The following GLIS3 variants were observed in gnomAD, a reference collection of about 807,000 sequenced individuals.
GLIS3 encodes the protein GLIS family zinc finger 3.
GLIS3 carries 53 observed loss-of-function variants against 78.6 expected under a neutral mutation model. That is an observed-to-expected ratio of 0.67 (90% confidence interval 0.54 to 0.85). The LOEUF (loss-of-function observed/expected upper bound fraction) is 0.85. Ranked by LOEUF, GLIS3 falls within the 40% of genes least tolerant of loss-of-function variation. GLIS3 has a pLI of 0.00. For synonymous variants in GLIS3, 684 were observed against 509.9 expected, an observed-to-expected ratio of 1.34 and a Z score of -4.60; for missense variants, 1,703 against 1,231.1, an observed-to-expected ratio of 1.38 and a Z score of -5.74.
At chr9:4,028,369 C>T (rs1297134607) in intron 4 of GLIS3, among the ~76,000 whole-genome samples, 1 of 152,144 alleles carries the variant, frequency 6.6e-6, no homozygotes, top group East Asian at 1.9e-4. Context: ...TATCTTGTTT[C>T]CTTCTCTCCT....
intron 9 of GLIS3, among the ~76,000 whole-genome samples, chr9:3,848,181 T>C (rs920163314): frequency 6.6e-6 from 1 of 152,218 alleles, no homozygotes; most frequent in Admixed American, 6.5e-5. Context: ...GTGGGAGTGT[T>C]TACTGTCTTT....
At chr9:3,968,565 G>C (rs1818136625) in intron 4 of GLIS3, among the ~76,000 whole-genome samples, 1 of 152,012 alleles carries the variant, frequency 6.6e-6, no homozygotes, top group Non-Finnish European at 1.5e-5. Context: ...ATATAAGAAA[G>C]CTAAGGTATT....
intron 2 of GLIS3, among the ~76,000 whole-genome samples, chr9:4,159,047 A>AAAAAAAAAAAAAAAAAAC (rs1835270805): frequency 6.6e-6 from 1 of 151,500 alleles, no homozygotes; most frequent in African/African-American, 2.4e-5. Flanking sequence ...AAAAAAAAAA[A>AAAAAAAAAAAAAAAAAAC]AAGCCAGGCT....
chr9:4,233,127 T>G (rs1421845726), intron 2 of GLIS3, among the ~76,000 whole-genome samples: 1 of 152,214 alleles, frequency 6.6e-6, no homozygotes, highest in Non-Finnish European at 1.5e-5. Flanking sequence ...CTTTGACATC[T>G]TTTCCAAAGA....
intron 4 of GLIS3, among the ~76,000 whole-genome samples, chr9:4,004,397 C>G (rs1821374796): frequency 6.6e-6 from 1 of 152,076 alleles, no homozygotes; most frequent in Admixed American, 6.6e-5. Flanking sequence ...ACCTAAATCC[C>G]TCTACAAATA....
intron 2 of GLIS3, among the ~76,000 whole-genome samples, chr9:4,163,280 G>C (rs77791855): frequency 0.025 from 3,816 of 152,110 alleles, 53 homozygotes; most frequent in Non-Finnish European, 0.03. Flanking sequence ...GCGCACGCGC[G>C]CACACATACC....
At chr9:4,393,247 T>C in the GLIS3 span, among the ~76,000 whole-genome samples, 1 of 152,232 alleles carries the variant, frequency 6.6e-6, no homozygotes, top group Non-Finnish European at 1.5e-5. Context: ...TCTATTTCTG[T>C]TACTATTTCT....
Position 3,872,880 on chromosome 9 carries a change from G to A in GLIS3, c.2297+6547C>T, listed in dbSNP as rs76844645. Among the ~76,000 whole-genome samples, 780 of 151,894 alleles carry A rather than the reference G, an allele frequency of 5.1e-3. 9 individuals are homozygous for A. Among genetic ancestry groups the A allele is most frequent in the African/African-American group, 0.018 (757 of 41,452 alleles). On this transcript the variant is annotated intron_variant, in intron 8 of 10. Coordinates refer to ENST00000381971, the MANE Select transcript of GLIS3 (RefSeq NM_001042413.2). ...CATACCTCAAAGAACTAGAAAAGGA[G>A]GAACAAACCAAACCCCAGATTTGCA...
rs1831973287 is a variant in GLIS3 at position 4,118,934 on chromosome 9, A to G, written c.597-53T>C. On this transcript the variant is annotated intron_variant, in intron 3 of 10. Coordinates refer to ENST00000381971, the MANE Select transcript of GLIS3 (RefSeq NM_001042413.2). The surrounding 1 kb of genome is among the most constrained non-coding windows in gnomAD (Gnocchi z 4.7). ...AAAAAAAGATAAACATTTTAGCAGG[A>G]TACGGATTGCTTAAGAGCTAAAAGA... The G allele has an allele frequency of 2.6e-6, 4 of 1,561,254 alleles. No homozygotes were observed. The highest frequency in any genetic ancestry group is 3.5e-6 in the Non-Finnish European group (4 of 1,156,208).
At chr9:4,155,320 G>A (rs977472153) in intron 2 of GLIS3, among the ~76,000 whole-genome samples, 2 of 152,176 alleles carry the variant, frequency 1.3e-5, no homozygotes. Context: ...TGCAGCAAAT[G>A]ACATCAGCAG....
chr9:4,457,272 G>C, the GLIS3 span, among the ~76,000 whole-genome samples: 1 of 151,198 alleles, frequency 6.6e-6, no homozygotes, highest in Non-Finnish European at 1.5e-5. Flanking sequence ...GAGGTGGGAG[G>C]ATCATTTGAG....
chr9:4,275,889 C>G (rs1048449226), intron 2 of GLIS3, among the ~76,000 whole-genome samples: 2 of 152,212 alleles, frequency 1.3e-5, no homozygotes, highest in Non-Finnish European at 2.9e-5. Flanking sequence ...TCATAGGATG[C>G]TGCCTTTAAT....
chr9:3,956,982 C>T (rs1470152319), intron 4 of GLIS3, among the ~76,000 whole-genome samples: 3 of 152,220 alleles, frequency 2.0e-5, no homozygotes, highest in Admixed American at 2.0e-4. Flanking sequence ...AGAGCTCCAT[C>T]CTTGAGAACT....
At chr9:3,899,024 G>A in intron 6 of GLIS3, 189 bp from the exon 7 acceptor site, 1 of 694,144 alleles carries the variant, frequency 1.4e-6, no homozygotes. Context: ...ATAACACCTG[G>A]CAAGAGCTTC....
chr9:3,958,316 T>C lies in GLIS3; in HGVS notation c.1711-21127A>G, dbSNP rs572919377. Among the ~76,000 whole-genome samples, 92 of 152,326 alleles carry C rather than the reference T, an allele frequency of 6.0e-4. 1 individual carries two copies. Among genetic ancestry groups the C allele is most frequent in the Middle Eastern group, 3.4e-3 (1 of 294 alleles). ...TTGAGCGTCTAGTATGCATGTGCTA[T>C]GCCATGGGCCAGACGCTTACATAAA... On this transcript the variant is annotated intron_variant, in intron 4 of 10. Coordinates refer to ENST00000381971, the MANE Select transcript of GLIS3 (RefSeq NM_001042413.2).
At chr9:3,974,530 A>C (rs1369810156) in intron 4 of GLIS3, among the ~76,000 whole-genome samples, 2 of 152,196 alleles carry the variant, frequency 1.3e-5, no homozygotes, top group Non-Finnish European at 2.9e-5. Flanking sequence ...TCCCAATGAC[A>C]GACATATGAG....
chr9:4,356,344 A>T, the GLIS3 span, among the ~76,000 whole-genome samples: 2 of 152,212 alleles, frequency 1.3e-5, no homozygotes, highest in Non-Finnish European at 2.9e-5. Context: ...CTCCAGCTAC[A>T]CTTTAAAGAG....
chr9:4,170,475 T>C (rs1303307658), intron 2 of GLIS3, among the ~76,000 whole-genome samples: 4 of 152,204 alleles, frequency 2.6e-5, no homozygotes, highest in Non-Finnish European at 5.9e-5. Flanking sequence ...CTCCCAGCTC[T>C]ATGGGAAATC....
At position 3,962,949 on chromosome 9, in the gene GLIS3, G is replaced by GC. The variant is rs1563896698; in HGVS notation, c.1711-25761_1711-25760insG. ...CAACAAGATCTGCTGTGATTTAAGG[G>GC]GGGGGGGGGGAGAGAGATTTATTGA... On this transcript the variant is annotated intron_variant, in intron 4 of 10. Transcript: ENST00000381971. Among the ~76,000 whole-genome samples, 222 of 145,204 alleles carry GC rather than the reference G, an allele frequency of 1.5e-3. 1 individual carries two copies. The highest frequency in any genetic ancestry group is 5.5e-3 in the African/African-American group (211 of 38,680).
Sources: allele counts gnomAD v4.1 joint callset (sites outside exome capture counted in the v4.1 genomes callset), GRCh38; gene constraint gnomAD v4.1.1; non-coding constraint Gnocchi (gnomAD v3.1); transcripts MANE v1.5; gene names NCBI Gene and HGNC (gene_info 2026-07-23, HGNC 2026-07-21).